LARP1B: variants seen among roughly 807,000 people sequenced by gnomAD.
LARP1B encodes the protein La ribonucleoprotein 1B, also known as la-related protein 1B.
A neutral mutation model predicts 114.2 loss-of-function variants in LARP1B; 76 were observed. The ratio of observed to expected loss-of-function variants is 0.67; its 90% confidence interval spans 0.55 to 0.81. LARP1B has a LOEUF of 0.81. Among genes scored for constraint, LARP1B ranks in the 30% least tolerant of loss-of-function variants. The pLI, the probability that LARP1B is intolerant of heterozygous loss-of-function variation, is 0.00. For synonymous variants in LARP1B, 345 were observed against 348.0 expected, an observed-to-expected ratio of 0.99 and a Z score of 0.10; for missense variants, 1,014 against 1,075.8, an observed-to-expected ratio of 0.94 and a Z score of 0.80.
chr4:128,132,175 G>T (rs922450641), intron 11 of LARP1B, among the ~76,000 whole-genome samples: 3 of 152,154 alleles, frequency 2.0e-5, no homozygotes, highest in Non-Finnish European at 2.9e-5. Context: ...CTGATGTTTG[G>T]ATGAATGTGG....
chr4:128,136,316 AAAAAC>A (rs1209491148), intron 11 of LARP1B, among the ~76,000 whole-genome samples: 1 of 133,932 alleles, frequency 7.5e-6, no homozygotes, highest in South Asian at 2.4e-4. Flanking sequence ...CAGTCTCAAG[AAAAAC>A]AAAAAAACAA....
chr4:128,126,382 G>A (rs112524389), intron 11 of LARP1B, among the ~76,000 whole-genome samples: 25,826 of 151,934 alleles, frequency 0.17, 2,784 homozygotes, highest in Middle Eastern at 0.3. Context: ...CTCGGCTTCC[G>A]AAAGTGCTGG....
intron 11 of LARP1B, among the ~76,000 whole-genome samples, chr4:128,126,440 TAGTC>T (rs1244940707): frequency 3.1e-4 from 47 of 152,244 alleles, no homozygotes; most frequent in African/African-American, 9.6e-4. Flanking sequence ...ATAATTTAGA[TAGTC>T]AGATTATTAA....
At chr4:128,085,510 T>G (rs1370789676) in intron 5 of LARP1B, among the ~76,000 whole-genome samples, 2 of 151,852 alleles carry the variant, frequency 1.3e-5, no homozygotes, top group East Asian at 3.9e-4. Context: ...TGATGACAGG[T>G]GCGTGCCACC....
intron 8 of LARP1B, among the ~76,000 whole-genome samples, chr4:128,105,396 A>G (rs531204645): frequency 1.3e-5 from 2 of 152,302 alleles, no homozygotes; most frequent in South Asian, 4.1e-4. Context: ...GATGCTGGGC[A>G]TACTGTTTGC....
intron 8 of LARP1B, among the ~76,000 whole-genome samples, chr4:128,101,768 C>T (rs1780416574): frequency 6.6e-6 from 1 of 152,128 alleles, no homozygotes; most frequent in African/African-American, 2.4e-5. Context: ...GCATGAGCTA[C>T]CGCCGCCGGC....
chr4:128,204,029 G>A (rs1756841246), intron 17 of LARP1B, among the ~76,000 whole-genome samples: 1 of 152,082 alleles, frequency 6.6e-6, no homozygotes, highest in African/African-American at 2.4e-5. Flanking sequence ...TGTGTATTTG[G>A]GTTGTGTTAT....
chr4:128,129,776 GAA>G (rs1790968168), intron 11 of LARP1B, among the ~76,000 whole-genome samples: 1 of 151,406 alleles, frequency 6.6e-6, no homozygotes, highest in South Asian at 2.1e-4. Flanking sequence ...ATACAATAGA[GAA>G]AAGTCTTTTC....
intron 5 of LARP1B, among the ~76,000 whole-genome samples, chr4:128,083,571 G>A (rs1169828789): frequency 6.7e-6 from 1 of 148,994 alleles, no homozygotes; most frequent in African/African-American, 2.5e-5. Context: ...GCGGGCAGGG[G>A]GCTGACCCCC....
chr4:128,116,369 C>A (rs767928921), intron 10 of LARP1B, among the ~76,000 whole-genome samples: 1 of 152,112 alleles, frequency 6.6e-6, no homozygotes. Flanking sequence ...TATATGAGAT[C>A]TCTATTATTT....
chr4:128,111,212 A>AT (rs1257910415), intron 9 of LARP1B, among the ~76,000 whole-genome samples: 2 of 151,460 alleles, frequency 1.3e-5, no homozygotes, highest in African/African-American at 4.9e-5. Context: ...ACGCCCGGCT[A>AT]TTTTTTTGTA....
At chr4:128,194,274 G>C (rs1371829902) in intron 15 of LARP1B, among the ~76,000 whole-genome samples, 1 of 152,092 alleles carries the variant, frequency 6.6e-6, no homozygotes, top group East Asian at 2.0e-4. Context: ...GTTTCACCGT[G>C]TTGGCCAGGC....
At chr4:128,141,847 G>T (rs1728212670) in intron 11 of LARP1B, among the ~76,000 whole-genome samples, 3 of 152,146 alleles carry the variant, frequency 2.0e-5, no homozygotes, top group Admixed American at 2.0e-4. Flanking sequence ...TGGAAGACTG[G>T]ATAGCTCTCA....
At chr4:128,214,280 T>A (rs926204846), downstream of LARP1B, among the ~76,000 whole-genome samples, 20 of 148,226 alleles carry the variant, frequency 1.3e-4, no homozygotes, top group Non-Finnish European at 2.8e-4. Flanking sequence ...GCCGGGAAGC[T>A]CGAACTGGGT....
chr4:128,081,401 G>T (rs1993723), intron 4 of LARP1B, among the ~76,000 whole-genome samples: 2 of 137,900 alleles, frequency 1.5e-5, no homozygotes, highest in African/African-American at 2.8e-5. Context: ...TTTTTTTTGA[G>T]ATATAGATAT....
In LARP1B at chr4:128,065,331, C is replaced by CCTTTCTTTTCTTTTCTTTTCTTTTCT. The variant is rs748006689; in HGVS notation, c.-78+3930_-78+3931insCTTTCTTTTCTTTTCTTTTCTTTTCT. Among the ~76,000 whole-genome samples the CCTTTCTTTTCTTTTCTTTTCTTTTCT allele has an allele frequency of 1.9e-4, 14 of 73,272 alleles. 1 individual carries two copies. Among genetic ancestry groups the CCTTTCTTTTCTTTTCTTTTCTTTTCT allele is most frequent in the Non-Finnish European group, 2.7e-4 (9 of 33,248 alleles). 48.1% of individuals were successfully genotyped at this position (73,272 alleles called of 152,430 possible). A position where few individuals can be genotyped will look rare whatever the true frequency, so the allele number is the denominator to read the frequency against. On this transcript the variant is annotated intron_variant, in intron 1 of 19. Coordinates refer to ENST00000326639, the MANE Select transcript of LARP1B (RefSeq NM_018078.4). ...TTTCTTTCTTTCTCTCTCTCTCTCT[C>CCTTTCTTTTCTTTTCTTTTCTTTTCT]TTTCCTTTCTTTTCTTTTCTTTTCT...
intron 18 of LARP1B, 68 bp from the exon 19 acceptor site, chr4:128,207,188 T>G: frequency 1.4e-6 from 1 of 691,042 alleles, no homozygotes. Flanking sequence ...GCTGATAGGA[T>G]TATATTTAAT....
chr4:128,073,501 G>GATAA lies in LARP1B; in HGVS notation c.-77-958_-77-957insTAAA, dbSNP rs1380802173. On this transcript the variant is annotated intron_variant, in intron 1 of 19. Transcript: ENST00000326639. ...CTCTTACCAACAGCAAACAGCATGA[G>GATAA]AGAAATAAAGAGACTCTGTCTCAAA... Among the ~76,000 whole-genome samples, 49 of 63,240 alleles carry GATAA rather than the reference G, an allele frequency of 7.7e-4. No individual in the cohort carries two copies. The Admixed American group carries it at 9.4e-3, about 12-fold the overall frequency. The allele number at this position is 63,240 out of a possible 152,430, so 41.5% of individuals were successfully genotyped here. A position where few individuals can be genotyped will look rare whatever the true frequency, so the allele number is the denominator to read the frequency against.
At chr4:128,074,162 A>G (rs986650907) in intron 1 of LARP1B, among the ~76,000 whole-genome samples, 1 of 150,492 alleles carries the variant, frequency 6.6e-6, no homozygotes, top group East Asian at 2.0e-4. Context: ...CCGGTCTCGA[A>G]CTCCTGACCT....
Sources: gnomAD v4.1 joint callset for allele counts (sites outside exome capture counted in the v4.1 genomes callset) on GRCh38, gnomAD v4.1.1 for gene constraint, MANE v1.5 for transcripts, NCBI Gene and HGNC (gene_info 2026-07-23, HGNC 2026-07-21) for gene names.